The following RRBP1 variants were observed in gnomAD, a reference collection of about 807,000 sequenced individuals.
The protein encoded by RRBP1 is ribosome-binding protein 1.
Under a neutral mutation model 165.2 loss-of-function variants are expected in RRBP1, and 94 were observed. The ratio of observed to expected loss-of-function variants is 0.57; its 90% confidence interval spans 0.48 to 0.68. RRBP1 has a LOEUF of 0.68. Ranked by LOEUF, RRBP1 falls within the 30% of genes least tolerant of loss-of-function variation. The pLI is 0.00. For synonymous variants in RRBP1, 680 were observed against 714.5 expected (o/e 0.95, Z 0.77); for missense variants, 1,676 against 1,763.0 (o/e 0.95, Z 0.88).
chr20:17,617,450 C>A (rs778085825), intron 20 of RRBP1, among the ~76,000 whole-genome samples: 1 of 152,204 alleles, frequency 6.6e-6, no homozygotes, highest in Non-Finnish European at 1.5e-5. Flanking sequence ...GGTCTCTGAC[C>A]CTGCGCTGAG....
At chr20:17,646,095 T>C (rs374826254) in intron 3 of RRBP1, among the ~76,000 whole-genome samples, 37 of 152,280 alleles carry the variant, frequency 2.4e-4, no homozygotes, top group African/African-American at 8.9e-4. Context: ...GGACAGGTAC[T>C]GTGACAAATA....
chr20:17,616,513 T>TC (rs996985750), intron 21 of RRBP1, among the ~76,000 whole-genome samples: 4 of 151,334 alleles, frequency 2.6e-5, no homozygotes, highest in African/African-American at 4.9e-5. Context: ...GAGTCCCACC[T>TC]CCCCCCAACT....
intron 16 of RRBP1, 40 bp from the exon 17 acceptor site, chr20:17,620,847 C>T (rs1274461306): frequency 4.1e-6 from 6 of 1,453,924 alleles, no homozygotes; most frequent in Middle Eastern, 1.7e-4. Flanking sequence ...CTCTCCCTCC[C>T]GAGACCCGCA....
At position 17,643,593 on chromosome 20, in the gene RRBP1, C is replaced by T. The variant is rs2036408403; in HGVS notation, c.1913-466G>A. Reference sequence around the variant, plus strand: ...CTGACTGGGCAGCGAATTTACCGTCCACCACACACAGACACCCAGAGCCAC... The same window carrying T: ...CTGACTGGGCAGCGAATTTACCGTCTACCACACACAGACACCCAGAGCCAC... On this transcript the variant is annotated intron_variant, in intron 3 of 24. Coordinates refer to ENST00000377813, the MANE Select transcript of RRBP1 (RefSeq NM_001365613.2). This position sits in a 1 kb window ranked among gnomAD's most constrained non-coding sequence, Gnocchi z 4.3. Among the ~76,000 whole-genome samples the T allele has an allele frequency of 6.6e-6, 1 of 152,100 alleles. No homozygotes were observed. The highest frequency in any genetic ancestry group is 1.5e-5 in the Non-Finnish European group (1 of 68,024).
chr20:17,671,647 T>C (rs1483897306), intron 2 of RRBP1, among the ~76,000 whole-genome samples: 1 of 152,186 alleles, frequency 6.6e-6, no homozygotes, highest in Non-Finnish European at 1.5e-5. Flanking sequence ...CCCCTTGTGG[T>C]TCCAACTCAG....
intron 2 of RRBP1, among the ~76,000 whole-genome samples, chr20:17,669,924 ATTC>A (rs1470040373): frequency 6.6e-6 from 1 of 152,182 alleles, no homozygotes; most frequent in South Asian, 2.1e-4. Flanking sequence ...CGTCTGCTTA[ATTC>A]TTCTTGAATT....
chr20:17,635,471 CTG>C, intron 7 of RRBP1, 73 bp downstream of exon 7: 1 of 1,124,728 alleles, frequency 8.9e-7, no homozygotes, highest in South Asian at 1.4e-5. Context: ...GCCAGCTGCC[CTG>C]GCCGCAGCCT....
chr20:17,641,592 G>A (rs1200225032), intron 5 of RRBP1: 13 of 625,840 alleles, frequency 2.1e-5, no homozygotes, highest in Non-Finnish European at 3.4e-5. Flanking sequence ...CCACGCCGTA[G>A]AGCCACGAGC....
intron 6 of RRBP1, 102 bp downstream of exon 6, chr20:17,636,475 C>T (rs2036250440): frequency 1.6e-5 from 23 of 1,397,958 alleles, no homozygotes; most frequent in Non-Finnish European, 2.2e-5. Context: ...CATCCTCAAC[C>T]CCCTCCTCAT....
chr20:17,674,400 C>T (rs1351181628), intron 2 of RRBP1, among the ~76,000 whole-genome samples: 1 of 151,926 alleles, frequency 6.6e-6, no homozygotes. Context: ...GGAGAGGAAC[C>T]TTGACCCCTC....
chr20:17,673,052 A>T (rs2037008259), intron 2 of RRBP1, among the ~76,000 whole-genome samples: 1 of 152,214 alleles, frequency 6.6e-6, no homozygotes, highest in Admixed American at 6.5e-5. Flanking sequence ...TGCTGGTTAA[A>T]CAGGCATGTT....
In RRBP1 at chr20:17,658,839, C is replaced by T; in HGVS notation, c.1669G>A (p.Gly557Ser). Reference sequence around the variant, plus strand: ...TTTGTAATACCCTCTACCTTTGTGCCCTGATTAGCAACCGAATCTGCCTTT... The same window carrying T: ...TTTGTAATACCCTCTACCTTTGTGCTCTGATTAGCAACCGAATCTGCCTTT... The part of the protein sequence containing the change: ...GKKADSVANQ[G>S]TKVEGITNQG... Residue 557 changes from glycine (G) to serine (S), a missense_variant, in exon 3 of 25, where the codon GGC becomes AGC. Physicochemically the swap from Gly to Ser is moderately conservative, Grantham distance 56. This residue lies in a region of RRBP1 where 1,184 missense variants were observed against 1,167.1 expected (regional missense o/e 1.01). Transcript: ENST00000377813. The T allele has an allele frequency of 6.2e-7, 1 of 1,613,996 alleles. No homozygotes were observed. Among genetic ancestry groups the T allele is most frequent in the Non-Finnish European group, 8.5e-7 (1 of 1,179,900 alleles).
intron 3 of RRBP1, among the ~76,000 whole-genome samples, chr20:17,656,250 C>T (rs1384628285): frequency 6.6e-6 from 1 of 152,190 alleles, no homozygotes; most frequent in Non-Finnish European, 1.5e-5. Context: ...ACCTTGCGGG[C>T]GGCATGTTGG....
Position 17,613,899 on chromosome 20 carries a change from C to A in RRBP1, c.*283G>T. The A allele has an allele frequency of 4.8e-6, 2 of 416,066 alleles. No homozygotes were observed. Among genetic ancestry groups the A allele is most frequent in the South Asian group, 6.9e-5 (2 of 29,092 alleles). The allele number at this position is 416,066 out of a possible 1,614,324, so 25.8% of individuals were successfully genotyped here. A position where few individuals can be genotyped will look rare whatever the true frequency, so the allele number is the denominator to read the frequency against. ...CCCAGAGCGCCCGGCCTCCCACACA[C>A]CCACGGGGCTGTCAGAGTCAACCAG... On this transcript the variant is annotated 3_prime_UTR_variant, in exon 25 of 25. Transcript: ENST00000377813.
chr20:17,626,697 C>G (rs1221284991), intron 11 of RRBP1, among the ~76,000 whole-genome samples: 1 of 152,310 alleles, frequency 6.6e-6, no homozygotes, highest in Non-Finnish European at 1.5e-5. Context: ...CTACAGGAGG[C>G]GAGCCCCAGA....
intron 20 of RRBP1, among the ~76,000 whole-genome samples, chr20:17,617,812 T>C (rs1481943833): frequency 6.6e-6 from 1 of 152,188 alleles, no homozygotes. Flanking sequence ...TTATTTAAAA[T>C]TTCCCAATTT....
intron 11 of RRBP1, 25 bp downstream of exon 11, chr20:17,627,323 C>T: frequency 3.1e-6 from 5 of 1,611,168 alleles, no homozygotes; most frequent in Non-Finnish European, 4.2e-6. Flanking sequence ...CTCAAGTGAG[C>T]AGGCAGGCTG....
At chr20:17,651,011 C>G (rs1156288195) in intron 3 of RRBP1, among the ~76,000 whole-genome samples, 1 of 152,234 alleles carries the variant, frequency 6.6e-6, no homozygotes, top group African/African-American at 2.4e-5. Flanking sequence ...CCAGCTAAAG[C>G]CTGGACACGT....
At chr20:17,655,812 T>C (rs1205457381) in intron 3 of RRBP1, among the ~76,000 whole-genome samples, 3 of 152,268 alleles carry the variant, frequency 2.0e-5, no homozygotes, top group Non-Finnish European at 4.4e-5. Context: ...TAACGGTTTT[T>C]AAATAAAGCT....
Sources: allele counts gnomAD v4.1 joint callset (sites outside exome capture counted in the v4.1 genomes callset), GRCh38; gene constraint gnomAD v4.1.1; regional missense constraint gnomAD v4.1.1; non-coding constraint Gnocchi (gnomAD v3.1); transcripts MANE v1.5; gene names NCBI Gene and HGNC (gene_info 2026-07-23, HGNC 2026-07-21).